The following SIK2 variants were observed in gnomAD, a reference collection of about 807,000 sequenced individuals.
SIK2 encodes the protein serine/threonine-protein kinase SIK2.
Under a neutral mutation model 103.2 loss-of-function variants are expected in SIK2, and 29 were observed. The ratio of observed to expected loss-of-function variants is 0.28; its 90% CI spans 0.21 to 0.38. SIK2 has a LOEUF of 0.38. SIK2 is among the 10% of genes least tolerant of loss of function. The pLI, the probability that SIK2 is intolerant of heterozygous loss-of-function variation, is 1.00. For missense variants in SIK2, 879 were observed against 1,171.0 expected (o/e 0.75, Z 3.64); for synonymous variants, 412 against 446.1 (o/e 0.92, Z 0.96).
chr11:111,691,361 ATACT>A lies in SIK2; in HGVS notation c.478+3205_478+3208del, dbSNP rs797002252. On this transcript the variant is annotated intron_variant, in intron 4 of 14. Coordinates refer to ENST00000304987, the MANE Select transcript of SIK2 (RefSeq NM_015191.3). ...TCACTGTTTTCAGGTATTCTGCTAGATACTTACTTCATCTTCACAGCAATCTTGG... is the reference window on the plus strand; with the variant it reads ...TCACTGTTTTCAGGTATTCTGCTAGATACTTCATCTTCACAGCAATCTTGG... Among the ~76,000 whole-genome samples, 21 of 152,326 alleles carry A rather than the reference ATACT, an allele frequency of 1.4e-4. 1 individual carries two copies. The highest frequency in any genetic ancestry group is 5.1e-4 in the African/African-American group (21 of 41,572).
intron 3 of SIK2, among the ~76,000 whole-genome samples, chr11:111,678,508 G>A (rs147066593): frequency 7.8e-4 from 119 of 152,276 alleles, no homozygotes; most frequent in African/African-American, 2.4e-3. Context: ...GTTGAGGGCC[G>A]TGAGTTCTGT....
intron 3 of SIK2, among the ~76,000 whole-genome samples, chr11:111,674,550 T>C (rs948014786): frequency 2.0e-5 from 3 of 152,244 alleles, no homozygotes; most frequent in Admixed American, 1.3e-4. Context: ...CCAATCAGGT[T>C]GGTCTTAATA....
intron 1 of SIK2, among the ~76,000 whole-genome samples, chr11:111,614,135 G>T (rs1384851703): frequency 1.3e-5 from 2 of 148,922 alleles, no homozygotes; most frequent in South Asian, 2.1e-4. Flanking sequence ...AGACTGGAGC[G>T]CAGTGGCACG....
At chr11:111,623,959 C>T (rs147487840) in intron 3 of SIK2, among the ~76,000 whole-genome samples, 1 of 152,328 alleles carries the variant, frequency 6.6e-6, no homozygotes, top group Non-Finnish European at 1.5e-5. Flanking sequence ...TTAGTTGGAA[C>T]ATTCATGGTC....
At chr11:111,603,038 C>G (rs1464166862) in intron 1 of SIK2, among the ~76,000 whole-genome samples, 1 of 148,474 alleles carries the variant, frequency 6.7e-6, no homozygotes, top group African/African-American at 2.4e-5. Context: ...CTCCGGAGCC[C>G]AAGTTCCGCG....
At chr11:111,611,204 G>A (rs564633867) in intron 1 of SIK2, among the ~76,000 whole-genome samples, 85 of 150,984 alleles carry the variant, frequency 5.6e-4, no homozygotes, top group African/African-American at 2.0e-3. Flanking sequence ...AGCTGAGATC[G>A]CGCCAGTGCA....
intron 12 of SIK2, among the ~76,000 whole-genome samples, chr11:111,721,498 A>T (rs776341123): frequency 1.3e-5 from 2 of 152,166 alleles, no homozygotes; most frequent in East Asian, 3.8e-4. Context: ...TACAATAAAT[A>T]CTGCTACTTA....
rs181698048 is a variant in SIK2 at position 111,614,652 on chromosome 11, T to G, written c.136-1591T>G. On this transcript the variant is annotated intron_variant, in intron 1 of 14. Transcript: ENST00000304987. The stretch of plus-strand genomic sequence containing the variant: ...GAGGAGAAAGAAGAGAAGTTGGTCT[T>G]GCTGTCTTAGTGGTGGAAGAAAATT... Among the ~76,000 whole-genome samples the G allele has an allele frequency of 6.6e-5, 10 of 152,284 alleles. No homozygotes were observed. In the East Asian group the frequency reaches 1.7e-3, roughly 26 times the overall value.
rs116462515 is a variant in SIK2, at chr11:111,667,896, A to G, written c.317-20105A>G. 2.5e-3 allele frequency among the ~76,000 whole-genome samples: 388 copies of G among 152,344 alleles called. 3 individuals carry two copies. The highest frequency in any genetic ancestry group is 9.0e-3 in the African/African-American group (375 of 41,570). Reference sequence around the variant, plus strand: ...ATATAAATAAATTATATTGAATTTGAGAGAAAGAGAATAGATAACAATTAA... The same window carrying G: ...ATATAAATAAATTATATTGAATTTGGGAGAAAGAGAATAGATAACAATTAA... On this transcript the variant is annotated intron_variant, in intron 3 of 14. Coordinates refer to ENST00000304987, the MANE Select transcript of SIK2 (RefSeq NM_015191.3).
intron 3 of SIK2, among the ~76,000 whole-genome samples, chr11:111,640,224 A>T (rs912805020): frequency 2.6e-5 from 4 of 152,180 alleles, no homozygotes; most frequent in African/African-American, 7.2e-5. Context: ...AAATCACAAA[A>T]TATTCCCAGT....
At chr11:111,640,696 C>A (rs978818166) in intron 3 of SIK2, among the ~76,000 whole-genome samples, 3 of 93,836 alleles carry the variant, frequency 3.2e-5, no homozygotes, top group East Asian at 3.8e-4. Context: ...GAGAAAAGTT[C>A]TTTAGAAAGT....
intron 7 of SIK2, among the ~76,000 whole-genome samples, chr11:111,704,611 G>C (rs985118515): frequency 1.3e-5 from 2 of 152,186 alleles, no homozygotes; most frequent in Non-Finnish European, 2.9e-5. Context: ...TGGAATTAGA[G>C]CCTCGGGCTC....
chr11:111,662,666 C>T lies in SIK2; in HGVS notation c.317-25335C>T, dbSNP rs1201185955. Among the ~76,000 whole-genome samples the T allele has an allele frequency of 2.6e-5, 4 of 151,858 alleles. No individual in the cohort carries two copies. The East Asian group carries it at 5.8e-4, about 22-fold the overall frequency. On this transcript the variant is annotated intron_variant, in intron 3 of 14. Transcript: ENST00000304987. ...CCGAAGCAGGCAGATCTCTTGAGCT[C>T]GGTAGTTTGAGACCAGCCTGGGCAA... is the stretch of plus-strand genomic sequence containing the variant.
At chr11:111,623,784 T>A (rs1475530641) in intron 3 of SIK2, among the ~76,000 whole-genome samples, 1 of 152,242 alleles carries the variant, frequency 6.6e-6, no homozygotes, top group Non-Finnish European at 1.5e-5. Flanking sequence ...AGCACTCTCC[T>A]GAGTGCTCAA....
chr11:111,643,464 T>TA (rs113501259), intron 3 of SIK2, among the ~76,000 whole-genome samples: 2,427 of 144,306 alleles, frequency 0.017, 30 homozygotes, highest in Middle Eastern at 0.06. Context: ...TCCCAGAACT[T>TA]AAAAAAAAAA....
At position 111,722,499 on chromosome 11, in the gene SIK2, G is replaced by A. The variant is rs899285756; in HGVS notation, c.2056-166G>A. Among the ~76,000 whole-genome samples the A allele has an allele frequency of 6.6e-6, 1 of 152,246 alleles. No individual in the cohort carries two copies. Among genetic ancestry groups the A allele is most frequent in the African/African-American group, 2.4e-5 (1 of 41,458 alleles). The stretch of plus-strand genomic sequence containing the variant: ...AGGTCAGAGATGGCCCAGGCCTGCG[G>A]GCCCGATGCTCTTTCAGGGTCTCAG... On this transcript the variant is annotated intron_variant, in intron 13 of 14. Coordinates refer to ENST00000304987, the MANE Select transcript of SIK2 (RefSeq NM_015191.3). This position sits in a 1 kb window ranked among gnomAD's most constrained non-coding sequence, Gnocchi z 4.4.
At chr11:111,680,571 G>T (rs1026655751) in intron 3 of SIK2, among the ~76,000 whole-genome samples, 1 of 151,852 alleles carries the variant, frequency 6.6e-6, no homozygotes, top group African/African-American at 2.4e-5. Context: ...CTGTTATTCA[G>T]CTCCATCTTT....
At position 111,726,843 on chromosome 11, in the gene SIK2, T is replaced by C; in HGVS notation, c.*2714T>C. 1 of 843,206 alleles carries C rather than the reference T, an allele frequency of 1.2e-6. No individual in the cohort carries two copies. Among genetic ancestry groups the C allele is most frequent in the East Asian group, 2.6e-5 (1 of 38,116 alleles). The allele number at this position is 843,206 out of a possible 1,614,324, so 52.2% of individuals were successfully genotyped here. On this transcript the variant is annotated 3_prime_UTR_variant, in exon 15 of 15. Coordinates refer to ENST00000304987, the MANE Select transcript of SIK2 (RefSeq NM_015191.3). The stretch of plus-strand genomic sequence containing the variant: ...TGTATCATCATCAGCTTCATCACCC[T>C]GTAAACCAGGCTCCTCTGAAGAGAC...
rs1179983415 is a variant in SIK2 at position 111,726,147 on chromosome 11, G to A, written c.*2018G>A. ...TGATTTGTTTAGACTGAAGGAAGAC[G>A]TTTTCCCAAAATATACTACAGAAGT... is the stretch of plus-strand genomic sequence containing the variant. On this transcript the variant is annotated 3_prime_UTR_variant, in exon 15 of 15. Transcript: ENST00000304987. 8 of 152,132 alleles carry A rather than the reference G, an allele frequency of 5.3e-5. No homozygotes were observed. Among genetic ancestry groups the A allele is most frequent in the East Asian group, 3.8e-4 (2 of 5,198 alleles). 9.4% of individuals were successfully genotyped at this position (152,132 alleles called of 1,614,324 possible). A position where few individuals can be genotyped will look rare whatever the true frequency, so the allele number is the denominator to read the frequency against.
Sources: gnomAD v4.1 joint callset for allele counts (sites outside exome capture counted in the v4.1 genomes callset) on GRCh38, gnomAD v4.1.1 for gene constraint, Gnocchi (gnomAD v3.1) non-coding constraint, MANE v1.5 for transcripts, NCBI Gene and HGNC (gene_info 2026-07-23, HGNC 2026-07-21) for gene names.